The following RNF157 variants were observed in gnomAD, a reference collection of about 807,000 sequenced individuals.
RNF157 encodes ring finger protein 157.
In RNF157, 55 loss-of-function variants were observed where a neutral mutation model predicts 88.3. The ratio of observed to expected loss-of-function variants is 0.62; its 90% confidence interval spans 0.50 to 0.78. The LOEUF is 0.78. RNF157 is among the 30% of genes least tolerant of loss of function. The pLI, the probability that RNF157 is intolerant of heterozygous loss-of-function variation, is 0.00. For missense variants in RNF157, 788 were observed against 860.8 expected (o/e 0.92, Z 1.06); for synonymous variants, 334 against 341.2 (o/e 0.98, Z 0.23).
intron 2 of RNF157, among the ~76,000 whole-genome samples, chr17:76,190,832 C>T (rs1466470203): frequency 6.8e-6 from 1 of 146,228 alleles, no homozygotes; most frequent in Non-Finnish European, 1.5e-5. Flanking sequence ...GGCACGAACC[C>T]GGGAGGCGGA....
chr17:76,229,940 T>A, intron 1 of RNF157, among the ~76,000 whole-genome samples: 1 of 152,202 alleles, frequency 6.6e-6, no homozygotes. Flanking sequence ...AACTTTAAAG[T>A]ACTGTTTAGG....
At chr17:76,185,475 C>CTTTTTTTTTTTTTTT (rs71161271) in intron 2 of RNF157, among the ~76,000 whole-genome samples, 1,551 of 141,260 alleles carry the variant, frequency 0.011, 79 homozygotes, top group African/African-American at 0.029. Flanking sequence ...TTAGTCCTTT[C>CTTTTTTTTTTTTTTT]TTTTTTTTTT....
At chr17:76,162,899 C>T (rs1170037991) in intron 8 of RNF157, 2 of 269,074 alleles carry the variant, frequency 7.4e-6, no homozygotes, top group Admixed American at 5.4e-5. Context: ...CTGCAGCATA[C>T]TATTATGGAC....
At chr17:76,188,775 T>C (rs1049242253) in intron 2 of RNF157, among the ~76,000 whole-genome samples, 1 of 152,220 alleles carries the variant, frequency 6.6e-6, no homozygotes, top group Non-Finnish European at 1.5e-5. Context: ...ATTTAGTGAC[T>C]GGCTTCTAAC....
chr17:76,239,498 A>G (rs1275660892), intron 1 of RNF157, among the ~76,000 whole-genome samples: 1 of 151,742 alleles, frequency 6.6e-6, no homozygotes, highest in Non-Finnish European at 1.5e-5. Flanking sequence ...TAACTCTGAT[A>G]CTCAGATTCC....
chr17:76,172,798 G>T (rs182382754), intron 3 of RNF157, among the ~76,000 whole-genome samples: 3 of 151,958 alleles, frequency 2.0e-5, no homozygotes, highest in Non-Finnish European at 4.4e-5. Context: ...TTTCACCAGA[G>T]AATCAGACAG....
At chr17:76,183,091 T>G (rs972025991) in intron 2 of RNF157, among the ~76,000 whole-genome samples, 18 of 151,494 alleles carry the variant, frequency 1.2e-4, no homozygotes, top group African/African-American at 4.4e-4. Flanking sequence ...TCTGCCACCA[T>G]GCCTGGCTAA....
At chr17:76,217,881 C>T (rs570448543) in intron 1 of RNF157, among the ~76,000 whole-genome samples, 2 of 152,246 alleles carry the variant, frequency 1.3e-5, no homozygotes, top group South Asian at 4.1e-4. Context: ...ACATCATACA[C>T]ATATCTCCAA....
chr17:76,235,445 G>A (rs943792393), intron 1 of RNF157, among the ~76,000 whole-genome samples: 2 of 152,072 alleles, frequency 1.3e-5, no homozygotes, highest in Non-Finnish European at 2.9e-5. Flanking sequence ...TGATCTGCCC[G>A]CCTCGGCCTC....
At chr17:76,152,822 C>G (rs1031038660) in intron 17 of RNF157, among the ~76,000 whole-genome samples, 4 of 152,208 alleles carry the variant, frequency 2.6e-5, no homozygotes, top group African/African-American at 9.6e-5. Flanking sequence ...CTAGGGAGCG[C>G]CAGTGGGGAG....
rs1598377589 is a variant in RNF157, at chr17:76,145,032, C to T, written c.*203G>A. 1.9e-6 allele frequency: 1 copy of T among 533,334 alleles called. No homozygotes were observed. Among genetic ancestry groups the T allele is most frequent in the South Asian group, 2.9e-5 (1 of 35,012 alleles). The allele number at this position is 533,334 out of a possible 1,614,324, so 33.0% of individuals were successfully genotyped here. On this transcript the variant is annotated 3_prime_UTR_variant, in exon 19 of 19. Coordinates refer to ENST00000269391, the MANE Select transcript of RNF157 (RefSeq NM_052916.3). ...GCAAAAGGTCTCGTGAGCTGCAGTT[C>T]ATTGAGTGGCTTTAGGTCACACGGA...
In RNF157 at chr17:76,167,063, C is replaced by T. The variant is rs2068938552; in HGVS notation, c.507G>A (p.Gln169=). The change falls in exon 5 of 19, where the codon CAG becomes CAA. Residue 169 remains glutamine, a synonymous_variant. Transcript: ENST00000269391. ...ETVQYKRGVC[Q]QFCLPSHTVD... ...CGGTGTGGGAGGGCAGGCAGAACTG[C>T]TGACACACTCCTCGCTTGTACTGCA... 1 of 1,613,226 alleles carries T rather than the reference C, an allele frequency of 6.2e-7. No homozygotes were observed. The highest frequency in any genetic ancestry group is 8.5e-7 in the Non-Finnish European group (1 of 1,179,938).
chr17:76,225,125 T>C (rs140086274), intron 1 of RNF157, among the ~76,000 whole-genome samples: 2,204 of 152,120 alleles, frequency 0.014, 54 homozygotes, highest in African/African-American at 0.05. Flanking sequence ...TGAGCCAAGA[T>C]TGCACTACTG....
chr17:76,159,269 C>T, intron 12 of RNF157, 66 bp downstream of exon 12: 2 of 1,415,704 alleles, frequency 1.4e-6, no homozygotes, highest in Admixed American at 1.7e-5. Context: ...TGGGCCAGCA[C>T]CAAGGAGGGA....
intron 1 of RNF157, among the ~76,000 whole-genome samples, chr17:76,229,359 T>C (rs1315063059): frequency 2.6e-5 from 4 of 152,238 alleles, no homozygotes; most frequent in Non-Finnish European, 4.4e-5. Context: ...CCAGGACAAA[T>C]TATTTAAACT....
intron 12 of RNF157, 51 bp from the exon 13 acceptor site, chr17:76,158,552 C>T (rs1207794328): frequency 7.6e-7 from 1 of 1,315,012 alleles, no homozygotes; most frequent in African/African-American, 1.4e-5. Flanking sequence ...ATTTAAAGAA[C>T]AGAACTTACT....
intron 2 of RNF157, among the ~76,000 whole-genome samples, chr17:76,198,828 G>A (rs1331114808): frequency 6.6e-6 from 1 of 152,168 alleles, no homozygotes; most frequent in Non-Finnish European, 1.5e-5. Flanking sequence ...CTTGGTCCAG[G>A]CCTGGCATCT....
intron 3 of RNF157, among the ~76,000 whole-genome samples, chr17:76,171,920 G>C (rs988378394): frequency 2.0e-5 from 3 of 152,214 alleles, no homozygotes; most frequent in Non-Finnish European, 4.4e-5. Context: ...GCCCTTGAAT[G>C]GTCTCCATCA....
chr17:76,223,010 C>T (rs2070013034), intron 1 of RNF157, among the ~76,000 whole-genome samples: 1 of 151,986 alleles, frequency 6.6e-6, no homozygotes, highest in Admixed American at 6.6e-5. Context: ...CCTGCCTCAG[C>T]CTTCCGAGTA....
Sources: allele counts gnomAD v4.1 joint callset (sites outside exome capture counted in the v4.1 genomes callset), GRCh38; gene constraint gnomAD v4.1.1; transcripts MANE v1.5; gene names NCBI Gene and HGNC (gene_info 2026-07-23, HGNC 2026-07-21).